Variants in PLOD2 observed in about 807,000 individuals in gnomAD.
The protein encoded by PLOD2 is procollagen-lysine,2-oxoglutarate 5-dioxygenase 2.
A neutral mutation model predicts 101.0 loss-of-function variants in PLOD2; 65 were observed. That is an observed-to-expected ratio of 0.64 (90% CI 0.53 to 0.79). The LOEUF (loss-of-function observed/expected upper bound fraction) is 0.79. PLOD2 is among the 30% of genes least tolerant of loss of function. PLOD2 has a pLI of 0.00. For synonymous variants in PLOD2, 314 were observed against 302.9 expected (o/e 1.04, Z -0.38); for missense variants, 909 against 914.6 (o/e 0.99, Z 0.08).
chr3:146,123,416 C>A, intron 2 of PLOD2: 1 of 259,540 alleles, frequency 3.9e-6, no homozygotes, highest in Non-Finnish European at 6.8e-6. Flanking sequence ...TTCCTCTGAT[C>A]ACTTGTCAAT....
At chr3:146,085,704 T>G (rs1218701810) in intron 10 of PLOD2, 1 of 176,946 alleles carries the variant, frequency 5.7e-6, no homozygotes, top group Non-Finnish European at 1.2e-5. Flanking sequence ...TTCATCAAAT[T>G]TTCTAAGATA....
intron 7 of PLOD2, among the ~76,000 whole-genome samples, chr3:146,101,607 A>G (rs939198805): frequency 5.3e-5 from 8 of 152,176 alleles, no homozygotes; most frequent in African/African-American, 1.7e-4. Flanking sequence ...CTGTGATGGG[A>G]AGAGGTGGAG....
At chr3:146,156,903 C>G (rs908495724) in intron 1 of PLOD2, among the ~76,000 whole-genome samples, 2 of 152,218 alleles carry the variant, frequency 1.3e-5, no homozygotes, top group Non-Finnish European at 2.9e-5. Context: ...TCCCAAATCT[C>G]CATTTCACCA....
At position 146,119,777 on chromosome 3, in the gene PLOD2, A is replaced by C. The variant is rs1354967261; in HGVS notation, c.338+1335T>G. Among the ~76,000 whole-genome samples the C allele has an allele frequency of 3.9e-5, 6 of 152,144 alleles. No homozygotes were observed. The East Asian group carries it at 1.2e-3, about 29-fold the overall frequency. On this transcript the variant is annotated intron_variant, in intron 3 of 19. Coordinates refer to ENST00000282903, the MANE Select transcript of PLOD2 (RefSeq NM_182943.3). The stretch of plus-strand genomic sequence containing the variant: ...TCCCTACAAAGGACATGAACTCATC[A>C]TTTTTTATGGCTGCATAGTATTCCA...
intron 1 of PLOD2, among the ~76,000 whole-genome samples, chr3:146,125,941 A>C (rs1020109811): frequency 6.6e-6 from 1 of 152,164 alleles, no homozygotes; most frequent in Admixed American, 6.6e-5. Flanking sequence ...TTAAAGTTAC[A>C]TTTCTTAAAT....
At chr3:146,151,369 T>A (rs565200833) in intron 1 of PLOD2, among the ~76,000 whole-genome samples, 1 of 152,244 alleles carries the variant, frequency 6.6e-6, no homozygotes, top group African/African-American at 2.4e-5. Flanking sequence ...TAGTAGCGCA[T>A]GCCTGTAATC....
chr3:146,105,622 A>T (rs1286446168), intron 5 of PLOD2, among the ~76,000 whole-genome samples: 1 of 152,254 alleles, frequency 6.6e-6, no homozygotes, highest in Non-Finnish European at 1.5e-5. Flanking sequence ...AAATACCAGA[A>T]AATGTGTTCT....
chr3:146,118,984 T>C (rs1219395887), intron 3 of PLOD2, among the ~76,000 whole-genome samples: 3 of 152,182 alleles, frequency 2.0e-5, no homozygotes, highest in Non-Finnish European at 4.4e-5. Flanking sequence ...CATCTTTAAT[T>C]ACATCATCTC....
At position 146,110,434 on chromosome 3, in the gene PLOD2, A is replaced by T; in HGVS notation, c.353T>A (p.Phe118Tyr). 1 of 1,612,584 alleles carries T rather than the reference A, an allele frequency of 6.2e-7. No homozygotes were observed. The highest frequency in any genetic ancestry group is 8.5e-7 in the Non-Finnish European group (1 of 1,179,456). ...TAGAACTTCTTCTGGACCACCAGCAAATATGACATCAAAGCTGTTCAATGA... is the reference window on the plus strand; with the variant it reads ...TAGAACTTCTTCTGGACCACCAGCATATATGACATCAAAGCTGTTCAATGA... ...VMFTECFDVI[F>Y]AGGPEEVLKK... Residue 118 changes from phenylalanine to tyrosine, a missense_variant, in exon 4 of 20, where the codon TTT (phenylalanine) becomes TAT (tyrosine). Phe to Tyr is a conservative substitution (Grantham distance 22). Transcript: ENST00000282903.
At chr3:146,078,044 T>C (rs931046767) in intron 13 of PLOD2, 120 bp from the exon 14 acceptor site, 15 of 744,260 alleles carry the variant, frequency 2.0e-5, no homozygotes, top group Non-Finnish European at 3.5e-5. Flanking sequence ...ATGTCCTTCA[T>C]AGACAACATG....
intron 13 of PLOD2, 52 bp from the exon 14 acceptor site, chr3:146,077,976 G>A (rs1936404617): frequency 1.1e-6 from 1 of 934,364 alleles, no homozygotes; most frequent in Non-Finnish European, 1.8e-6. Context: ...CGCTCTCTCA[G>A]GTATTCTTTG....
intron 1 of PLOD2, among the ~76,000 whole-genome samples, chr3:146,140,147 G>C (rs965168657): frequency 1.3e-5 from 2 of 152,036 alleles, no homozygotes; most frequent in Non-Finnish European, 2.9e-5. Flanking sequence ...AGTGCACTGG[G>C]TCAGGTTATG....
At chr3:146,120,702 C>T (rs1483648117) in intron 3 of PLOD2, among the ~76,000 whole-genome samples, 1 of 152,108 alleles carries the variant, frequency 6.6e-6, no homozygotes, top group Non-Finnish European at 1.5e-5. Context: ...ATAGTAATAT[C>T]TACTTTTTAA....
chr3:146,148,597 AAAC>A (rs2031910980), intron 1 of PLOD2, among the ~76,000 whole-genome samples: 1 of 152,200 alleles, frequency 6.6e-6, no homozygotes, highest in Non-Finnish European at 1.5e-5. Flanking sequence ...AGTATTTTAA[AAAC>A]ATCATCCTCA....
chr3:146,100,781 G>A (rs1937358199), intron 7 of PLOD2, among the ~76,000 whole-genome samples: 1 of 152,084 alleles, frequency 6.6e-6, no homozygotes, highest in Non-Finnish European at 1.5e-5. Context: ...TAAAGCAGGA[G>A]CAACATAAAG....
At chr3:146,155,332 T>TAAA (rs61349532) in intron 1 of PLOD2, among the ~76,000 whole-genome samples, 32,479 of 148,174 alleles carry the variant, frequency 0.22, 3,484 homozygotes, top group Admixed American at 0.25. Context: ...TATAAATAAA[T>TAAA]TAATTAATTA....
At chr3:146,109,012 T>G (rs1222464980) in intron 4 of PLOD2, among the ~76,000 whole-genome samples, 1 of 152,178 alleles carries the variant, frequency 6.6e-6, no homozygotes, top group African/African-American at 2.4e-5. Context: ...CACCCATCCA[T>G]GAGCCGCATG....
Position 146,110,495 on chromosome 3 carries a change from C to T in PLOD2, c.339-47G>A, listed in dbSNP as rs772439999. On this transcript the variant is annotated intron_variant, in intron 3 of 19. Coordinates refer to ENST00000282903, the MANE Select transcript of PLOD2 (RefSeq NM_182943.3). ...TGTTTTAAAATACACTTGTCAGAAT[C>T]TAGGCACATAAACCATGAAAAGTTC... 9 of 1,480,546 alleles carry T rather than the reference C, an allele frequency of 6.1e-6. No homozygotes were observed. In the South Asian group the frequency reaches 8.1e-5, roughly 13 times the overall value. 91.7% of individuals were successfully genotyped at this position (1,480,546 alleles called of 1,614,324 possible).
At chr3:146,121,336 A>G in intron 2 of PLOD2, 88 bp from the exon 3 acceptor site, 1 of 1,077,358 alleles carries the variant, frequency 9.3e-7, no homozygotes, top group Non-Finnish European at 1.4e-6. Flanking sequence ...CAACTTGAAC[A>G]GTACTGTACC....
Sources: allele counts gnomAD v4.1 joint callset (sites outside exome capture counted in the v4.1 genomes callset), GRCh38; gene constraint gnomAD v4.1.1; transcripts MANE v1.5; gene names NCBI Gene and HGNC (gene_info 2026-07-23, HGNC 2026-07-21).